The following MPRIP variants were observed in gnomAD, a reference collection of about 807,000 sequenced individuals.
The protein encoded by MPRIP is myosin phosphatase Rho interacting protein.
Under a neutral mutation model 234.9 loss-of-function variants are expected in MPRIP, and 59 were observed. The ratio of observed to expected loss-of-function variants is 0.25; its 90% CI spans 0.20 to 0.31. The LOEUF is 0.31. Ranked by LOEUF, MPRIP falls within the 10% of genes least tolerant of loss-of-function variation. The pLI is 1.00. For synonymous variants in MPRIP, 1,144 were observed against 1,263.9 expected, an observed-to-expected ratio of 0.91 and a Z score of 2.01; for missense variants, 2,436 against 3,071.0, an observed-to-expected ratio of 0.79 and a Z score of 4.89.
chr17:17,115,756 T>C (rs1260719380), intron 3 of MPRIP, among the ~76,000 whole-genome samples: 1 of 151,796 alleles, frequency 6.6e-6, no homozygotes, highest in African/African-American at 2.4e-5. Flanking sequence ...TCATGCAGCA[T>C]CATCTCACAA....
intron 1 of MPRIP, among the ~76,000 whole-genome samples, chr17:17,050,043 C>T (rs1010356347): frequency 1.3e-5 from 2 of 150,036 alleles, no homozygotes; most frequent in South Asian, 2.1e-4. Flanking sequence ...ATAAATTAGT[C>T]GGGGCCGGGC....
chr17:17,155,590 C>T (rs922468877), intron 13 of MPRIP, among the ~76,000 whole-genome samples: 2 of 152,222 alleles, frequency 1.3e-5, no homozygotes, highest in African/African-American at 4.8e-5. Context: ...CCTGCGGACT[C>T]CACACCTCTT....
chr17:17,133,799 G>T (rs2090643566), intron 5 of MPRIP, among the ~76,000 whole-genome samples: 1 of 152,184 alleles, frequency 6.6e-6, no homozygotes, highest in African/African-American at 2.4e-5. Flanking sequence ...GAAGGGCTTG[G>T]CCCTGACAAG....
chr17:17,101,895 TC>T (rs1210529215), intron 3 of MPRIP, among the ~76,000 whole-genome samples: 2 of 152,126 alleles, frequency 1.3e-5, no homozygotes, highest in African/African-American at 4.8e-5. Flanking sequence ...CATCCTGATG[TC>T]CAGGAGGTCA....
rs1024048902 is a variant in MPRIP, at chr17:17,137,971, G to A, written c.792G>A (p.Glu264=). 4 of 1,612,948 alleles carry A rather than the reference G, an allele frequency of 2.5e-6. No homozygotes were observed. The highest frequency in any genetic ancestry group is 1.3e-5 in the African/African-American group (1 of 74,870). Residue 264 remains glutamate, a synonymous_variant, in exon 7 of 24, where the codon GAG becomes GAA. Transcript: ENST00000651222. ...RMDCGRKVRV[E]SGYFSLEKTK... is the part of the protein sequence containing the mutation. ...ACTGTGGCCGCAAAGTCCGGGTGGA[G>A]AGCGGCTACTTCTCTCTGGAGAAGA...
intron 3 of MPRIP, among the ~76,000 whole-genome samples, chr17:17,105,463 G>T (rs529607918): frequency 2.0e-5 from 3 of 152,286 alleles, no homozygotes; most frequent in Admixed American, 1.3e-4. Context: ...CTCTTGACTG[G>T]GGCAGTACTG....
At chr17:17,060,301 G>A (rs1311614267) in intron 1 of MPRIP, among the ~76,000 whole-genome samples, 2 of 152,238 alleles carry the variant, frequency 1.3e-5, no homozygotes, top group African/African-American at 4.8e-5. Flanking sequence ...TGGATGTGGG[G>A]CAGAACTGAG....
intron 9 of MPRIP, 128 bp from the exon 10 acceptor site, chr17:17,145,908 C>A: frequency 1.1e-6 from 1 of 890,614 alleles, no homozygotes; most frequent in Non-Finnish European, 1.8e-6. Context: ...GCTGCACAGG[C>A]TTGTCTGGCA....
chr17:17,105,689 G>A (rs76307530), intron 3 of MPRIP, among the ~76,000 whole-genome samples: 7 of 152,324 alleles, frequency 4.6e-5, no homozygotes, highest in Non-Finnish European at 8.8e-5. Context: ...ATACTTTTCA[G>A]TGAGGGCTGT....
intron 1 of MPRIP, among the ~76,000 whole-genome samples, chr17:17,073,115 G>A (rs1382866051): frequency 6.6e-6 from 1 of 152,078 alleles, no homozygotes; most frequent in Non-Finnish European, 1.5e-5. Flanking sequence ...CCAGCCCCAG[G>A]CAGCCACTCC....
At chr17:17,070,735 C>T (rs1174106593) in intron 1 of MPRIP, among the ~76,000 whole-genome samples, 4 of 152,174 alleles carry the variant, frequency 2.6e-5, no homozygotes, top group African/African-American at 9.7e-5. Context: ...TGGCTGTCAT[C>T]TTGGTGTTGG....
At chr17:17,093,558 T>C (rs2089769753) in intron 3 of MPRIP, among the ~76,000 whole-genome samples, 2 of 152,236 alleles carry the variant, frequency 1.3e-5, no homozygotes, top group African/African-American at 2.4e-5. Flanking sequence ...TGGATCTTAC[T>C]GTGCTCCCTG....
chr17:17,180,627 G>A (rs368165339), intron 23 of MPRIP: 12 of 1,613,886 alleles, frequency 7.4e-6, no homozygotes, highest in African/African-American at 4.0e-5. Flanking sequence ...AGCAGGTCTC[G>A]TGGGATACCT....
intron 3 of MPRIP, among the ~76,000 whole-genome samples, chr17:17,080,541 C>T (rs375540290): frequency 7.2e-5 from 11 of 152,258 alleles, no homozygotes; most frequent in East Asian, 5.8e-4. Flanking sequence ...CGTCATGCCT[C>T]CCAGGGCCAC....
chr17:17,090,844 C>T (rs2089698475), intron 3 of MPRIP, among the ~76,000 whole-genome samples: 1 of 152,176 alleles, frequency 6.6e-6, no homozygotes, highest in South Asian at 2.1e-4. Flanking sequence ...GCTCCATTCC[C>T]ATTCTGTGAG....
At chr17:17,057,682 A>G (rs2088745367) in intron 1 of MPRIP, 2 of 718,080 alleles carry the variant, frequency 2.8e-6, no homozygotes, top group Admixed American at 2.0e-5. Context: ...CACATATATG[A>G]TGCACGAATG....
In MPRIP at chr17:17,167,868, G is replaced by A. The variant is rs1444897644; in HGVS notation, c.6277G>A (p.Ala2093Thr). The A allele has an allele frequency of 3.1e-5, 41 of 1,304,006 alleles. No homozygotes were observed. The highest frequency in any genetic ancestry group is 4.9e-5 in the South Asian group (4 of 81,032). 80.8% of individuals were successfully genotyped at this position (1,304,006 alleles called of 1,614,324 possible). The change falls in exon 16 of 24, where the codon GCG becomes ACG. Residue 2093 changes from alanine to threonine, a missense_variant. Coordinates refer to ENST00000651222, the MANE Select transcript of MPRIP (RefSeq NM_001364716.4). This position sits in a 1 kb window ranked among gnomAD's most constrained non-coding sequence, Gnocchi z 5.9. ...GGGACACAAGGACCTGGAGGGCGAC[G>A]CGGCCACACTGCGTGAGAAGTACCA... ...ELGHKDLEGD[A>T]ATLREKYQRD...
At chr17:17,087,402 C>T (rs1401479749) in intron 3 of MPRIP, among the ~76,000 whole-genome samples, 1 of 152,162 alleles carries the variant, frequency 6.6e-6, no homozygotes, top group Non-Finnish European at 1.5e-5. Flanking sequence ...TTCTGTACCT[C>T]CAGTGTTGGA....
chr17:17,129,146 A>G (rs1392614063), intron 4 of MPRIP, among the ~76,000 whole-genome samples: 1 of 151,934 alleles, frequency 6.6e-6, no homozygotes, highest in African/African-American at 2.4e-5. Context: ...TCCAGTTCCC[A>G]CTTCCAGGAT....
Sources: allele counts gnomAD v4.1 joint callset (sites outside exome capture counted in the v4.1 genomes callset), GRCh38; gene constraint gnomAD v4.1.1; non-coding constraint Gnocchi (gnomAD v3.1); transcripts MANE v1.5; gene names NCBI Gene and HGNC (gene_info 2026-07-23, HGNC 2026-07-21).